Variants in ERBB4 observed in about 807,000 individuals in gnomAD.
ERBB4 encodes erb-b2 receptor tyrosine kinase 4.
ERBB4 carries 42 observed loss-of-function variants against 158.0 expected under a neutral mutation model. That is an observed-to-expected ratio of 0.27 (90% CI 0.21 to 0.34). The LOEUF (loss-of-function observed/expected upper bound fraction) is 0.34, where lower values mean the gene tolerates loss of function less well. Among genes scored for constraint, ERBB4 ranks in the 10% least tolerant of loss-of-function variants. The pLI is 1.00. For missense variants in ERBB4, 1,333 were observed against 1,624.1 expected, an observed-to-expected ratio of 0.82 and a Z score of 3.08; for synonymous variants, 583 against 558.7, an observed-to-expected ratio of 1.04 and a Z score of -0.61.
rs1379413324 is a variant in ERBB4, at chr2:212,538,693, C to G, written c.-163G>C. ...GACTCCCAGGGCGGGCGACCGAGTC[C>G]GCGCCCGCGGGTCCAGGGCCGGGGC... On this transcript the variant is annotated 5_prime_UTR_variant, in exon 1 of 28. Transcript: ENST00000342788. The G allele has an allele frequency of 2.0e-6, 1 of 498,596 alleles. No individual in the cohort carries two copies. Among genetic ancestry groups the G allele is most frequent in the East Asian group, 3.7e-5 (1 of 27,220 alleles). The allele number at this position is 498,596 out of a possible 1,614,324, so 30.9% of individuals were successfully genotyped here. A position where few individuals can be genotyped will look rare whatever the true frequency, so the allele number is the denominator to read the frequency against.
intron 2 of ERBB4, among the ~76,000 whole-genome samples, chr2:211,979,320 C>T (rs1184428866): frequency 6.6e-6 from 1 of 152,118 alleles, no homozygotes; most frequent in Admixed American, 6.5e-5. Context: ...TTTGCTCAGG[C>T]AAAAATGAGC....
chr2:212,219,175 A>G (rs1020013090), intron 1 of ERBB4, among the ~76,000 whole-genome samples: 3 of 151,434 alleles, frequency 2.0e-5, no homozygotes, highest in Non-Finnish European at 3.0e-5. Flanking sequence ...AAAGAATGAG[A>G]CCCAAAGAAG....
In ERBB4 at chr2:211,520,573, C is replaced by G. The variant is rs548807766; in HGVS notation, c.2487+41330G>C. The stretch of plus-strand genomic sequence containing the variant: ...AGTGATCGTATATGGACCACAAACC[C>G]TACAGTATTTATTATCTGGCTTGTT... On this transcript the variant is annotated intron_variant, in intron 20 of 27. Transcript: ENST00000342788. Among the ~76,000 whole-genome samples, 14 of 152,154 alleles carry G rather than the reference C, an allele frequency of 9.2e-5. No individual in the cohort carries two copies. The South Asian group carries it at 2.5e-3, about 27-fold the overall frequency.
chr2:212,061,991 T>C (rs953504766), intron 2 of ERBB4, among the ~76,000 whole-genome samples: 10 of 152,096 alleles, frequency 6.6e-5, no homozygotes, highest in African/African-American at 2.2e-4. Context: ...TGCCTCGGCC[T>C]CCCAAAGTGC....
At chr2:211,508,178 A>G (rs1201249849) in intron 20 of ERBB4, among the ~76,000 whole-genome samples, 1 of 152,176 alleles carries the variant, frequency 6.6e-6, no homozygotes, top group African/African-American at 2.4e-5. Context: ...AAAAGAAACT[A>G]TCATCAGAGT....
At chr2:212,078,170 A>C (rs1169369277) in intron 2 of ERBB4, among the ~76,000 whole-genome samples, 1 of 152,096 alleles carries the variant, frequency 6.6e-6, no homozygotes, top group Non-Finnish European at 1.5e-5. Context: ...ATATAGACTT[A>C]GGTCACCTCA....
chr2:211,953,632 T>TTCC (rs1017555366), intron 2 of ERBB4, among the ~76,000 whole-genome samples: 14 of 151,944 alleles, frequency 9.2e-5, no homozygotes, highest in Non-Finnish European at 1.9e-4. Flanking sequence ...TGGTGTAAGC[T>TTCC]TCCGCTCAGT....
At chr2:212,407,296 A>G (rs1011471202) in intron 1 of ERBB4, among the ~76,000 whole-genome samples, 1 of 152,048 alleles carries the variant, frequency 6.6e-6, no homozygotes, top group Non-Finnish European at 1.5e-5. Flanking sequence ...AAGTAAAAAT[A>G]AAATAGTGGT....
Position 212,134,676 on chromosome 2 carries a change from C to CT in ERBB4, c.83-9774dup, listed in dbSNP as rs869141215. ...ACTGCTGAAATTAACTAAACACTTT[C>CT]TTTTTTTTTTTTTTTTTTTTTTTTT... On this transcript the variant is annotated intron_variant, in intron 1 of 27. Coordinates refer to ENST00000342788, the MANE Select transcript of ERBB4 (RefSeq NM_005235.3). 7.1e-3 allele frequency among the ~76,000 whole-genome samples: 493 copies of CT among 69,046 alleles called. 5 individuals carry two copies. Among genetic ancestry groups the CT allele is most frequent in the East Asian group, 0.017 (40 of 2,408 alleles). 45.3% of individuals were successfully genotyped at this position (69,046 alleles called of 152,430 possible). A position where few individuals can be genotyped will look rare whatever the true frequency, so the allele number is the denominator to read the frequency against.
intron 1 of ERBB4, among the ~76,000 whole-genome samples, chr2:212,173,567 A>C (rs1407936120): frequency 3.9e-5 from 6 of 152,174 alleles, no homozygotes; most frequent in Non-Finnish European, 1.5e-5. Context: ...GTATATAACG[A>C]TATCTACTGT....
At chr2:211,491,313 T>G (rs562193144) in intron 20 of ERBB4, among the ~76,000 whole-genome samples, 48 of 152,110 alleles carry the variant, frequency 3.2e-4, no homozygotes, top group African/African-American at 1.1e-3. Context: ...TCTAGGGAGA[T>G]GAAGTAACAA....
rs576986594 is a variant in ERBB4, at chr2:212,055,573, G to C, written c.234+69179C>G. Among the ~76,000 whole-genome samples the C allele has an allele frequency of 1.6e-4, 25 of 152,342 alleles. No homozygotes were observed. The East Asian group carries it at 4.6e-3, about 28-fold the overall frequency. On this transcript the variant is annotated intron_variant, in intron 2 of 27. Coordinates refer to ENST00000342788, the MANE Select transcript of ERBB4 (RefSeq NM_005235.3). ...CTCACACAGCCGGGTACCCCGCTGA[G>C]ATGAAGCTTCCAGGGGAACAATCAG...
chr2:212,473,667 A>G (rs1450197112), intron 1 of ERBB4, among the ~76,000 whole-genome samples: 4 of 152,256 alleles, frequency 2.6e-5, no homozygotes, highest in African/African-American at 9.6e-5. Context: ...ACCTTAAATA[A>G]TTATCCATTT....
intron 1 of ERBB4, among the ~76,000 whole-genome samples, chr2:212,160,716 T>G (rs899697399): frequency 2.0e-5 from 3 of 151,978 alleles, no homozygotes; most frequent in African/African-American, 7.2e-5. Flanking sequence ...TTAGAGAATT[T>G]AACTCTTCAT....
chr2:212,494,380 G>A (rs544156216), intron 1 of ERBB4, among the ~76,000 whole-genome samples: 9 of 151,996 alleles, frequency 5.9e-5, no homozygotes, highest in South Asian at 2.1e-4. Flanking sequence ...TCTCATTATT[G>A]GGTATGTTTC....
chr2:211,676,999 C>T (rs1238952361), intron 13 of ERBB4, among the ~76,000 whole-genome samples: 1 of 152,022 alleles, frequency 6.6e-6, no homozygotes, highest in Admixed American at 6.6e-5. Context: ...AAATTAAATG[C>T]TAAAATTTTC....
At position 211,530,176 on chromosome 2, in the gene ERBB4, A is replaced by G. The variant is rs12990227; in HGVS notation, c.2487+31727T>C. On this transcript the variant is annotated intron_variant, in intron 20 of 27. Coordinates refer to ENST00000342788, the MANE Select transcript of ERBB4 (RefSeq NM_005235.3). ...GTTGCAGGATACAAAATCAAGATAT[A>G]GAAATCATTAGCATTTCTATATGCC... Among the ~76,000 whole-genome samples, 644 of 152,286 alleles carry G rather than the reference A, an allele frequency of 4.2e-3. 5 individuals are homozygous for G. Among genetic ancestry groups the G allele is most frequent in the Admixed American group, 9.9e-3 (151 of 15,306 alleles).
chr2:211,904,247 G>T (rs931361985), intron 3 of ERBB4, among the ~76,000 whole-genome samples: 3 of 151,990 alleles, frequency 2.0e-5, no homozygotes, highest in Non-Finnish European at 4.4e-5. Context: ...ATATAAACCA[G>T]CTCTCTTAAA....
chr2:212,225,892 T>C (rs73062423), intron 1 of ERBB4, among the ~76,000 whole-genome samples: 50 of 152,114 alleles, frequency 3.3e-4, no homozygotes, highest in Non-Finnish European at 1.5e-4. Context: ...TGAGTGGGTA[T>C]GGGTCATATG....
Sources: allele counts gnomAD v4.1 joint callset (sites outside exome capture counted in the v4.1 genomes callset), GRCh38; gene constraint gnomAD v4.1.1; transcripts MANE v1.5; gene names NCBI Gene and HGNC (gene_info 2026-07-23, HGNC 2026-07-21).